CFAP61: variants seen among roughly 807,000 people sequenced by gnomAD.
The protein encoded by CFAP61 is cilia- and flagella-associated protein 61.
In CFAP61, 107 loss-of-function variants were observed where a neutral mutation model predicts 135.6. The observed-to-expected ratio is 0.79, with a 90% CI of 0.67 to 0.93. CFAP61 has a LOEUF of 0.93. Among genes scored for constraint, CFAP61 ranks in the 40% least tolerant of loss-of-function variants. The probability of loss-of-function intolerance (pLI) is 0.00; values close to 1 mark genes in which losing one functional copy is unlikely to be tolerated. For missense variants in CFAP61, 1,507 were observed against 1,556.2 expected (o/e 0.97, Z 0.53); for synonymous variants, 575 against 578.5 (o/e 0.99, Z 0.09).
chr20:20,077,215 A>G (rs1245619179), intron 6 of CFAP61, among the ~76,000 whole-genome samples: 1 of 152,210 alleles, frequency 6.6e-6, no homozygotes, highest in Non-Finnish European at 1.5e-5. Flanking sequence ...TGGTACATCC[A>G]TACAGTGGAT....
chr20:20,239,693 T>A (rs1023858727), intron 18 of CFAP61, among the ~76,000 whole-genome samples: 8 of 152,168 alleles, frequency 5.3e-5, no homozygotes, highest in Non-Finnish European at 1.2e-4. Flanking sequence ...ACTGAGGCAG[T>A]CCGACTTCTG....
intron 2 of CFAP61, among the ~76,000 whole-genome samples, chr20:20,066,801 C>T (rs1318911973): frequency 1.3e-5 from 2 of 151,668 alleles, no homozygotes; most frequent in Admixed American, 6.6e-5. Context: ...CACATGTATC[C>T]CAGAACTTAA....
At chr20:20,074,179 T>C in intron 3 of CFAP61, 123 bp from the exon 4 acceptor site, 1 of 772,076 alleles carries the variant, frequency 1.3e-6, no homozygotes, top group Non-Finnish European at 2.3e-6. Flanking sequence ...AGACATAAAA[T>C]ATCAACCCTA....
Position 20,263,106 on chromosome 20 carries a change from A to G in CFAP61, c.2479A>G (p.Arg827Gly), listed in dbSNP as rs774669437. 5 of 1,613,772 alleles carry G rather than the reference A, an allele frequency of 3.1e-6. No individual in the cohort carries two copies. In the South Asian group the frequency reaches 5.5e-5, roughly 18 times the overall value. The change falls in exon 21 of 27, where the codon AGG becomes GGG. Residue 827 changes from arginine to glycine, a missense_variant. Coordinates refer to ENST00000245957, the MANE Select transcript of CFAP61 (RefSeq NM_015585.4). ...TTGCTTTAAGGCACTGATTTGGATA[A>G]GGAATAACTCCATCACCACAGAAGG... is the stretch of plus-strand genomic sequence containing the variant. ...EDCFKALIWI[R>G]NNSITTEGNI...
chr20:20,336,261 A>C (rs1012931312), intron 25 of CFAP61, among the ~76,000 whole-genome samples: 3 of 152,246 alleles, frequency 2.0e-5, no homozygotes, highest in African/African-American at 7.2e-5. Context: ...CATAACGAGC[A>C]CATCAAACCT....
At chr20:20,317,419 G>A (rs544451103) in intron 25 of CFAP61, among the ~76,000 whole-genome samples, 42 of 152,284 alleles carry the variant, frequency 2.8e-4, no homozygotes, top group African/African-American at 7.9e-4. Context: ...GCTGCTCAGC[G>A]GTGTCCCCAG....
At chr20:20,308,247 C>T (rs2056593966) in intron 25 of CFAP61, among the ~76,000 whole-genome samples, 1 of 152,140 alleles carries the variant, frequency 6.6e-6, no homozygotes, top group Non-Finnish European at 1.5e-5. Flanking sequence ...TATGAACAGT[C>T]GTTCCCTAAA....
intron 8 of CFAP61, among the ~76,000 whole-genome samples, chr20:20,134,579 C>T (rs1321352961): frequency 1.3e-5 from 2 of 152,100 alleles, no homozygotes; most frequent in Non-Finnish European, 1.5e-5. Context: ...CTATGGCGTC[C>T]AGGAAGGAGA....
Position 20,113,203 on chromosome 20 carries a change from A to G in CFAP61, c.859+14389A>G, listed in dbSNP as rs1460266573. 2.6e-5 allele frequency among the ~76,000 whole-genome samples: 4 copies of G among 152,216 alleles called. No homozygotes were observed. In the East Asian group the frequency reaches 5.8e-4, roughly 22 times the overall value. On this transcript the variant is annotated intron_variant, in intron 8 of 26. Transcript: ENST00000245957. ...GCTTACTATGATATTCAAATCTTCC[A>G]TAACTTCATTATTGTTGACATGGTC...
chr20:20,265,361 A>C (rs2052626966), intron 21 of CFAP61: 2 of 779,340 alleles, frequency 2.6e-6, no homozygotes, highest in Non-Finnish European at 4.8e-6. Flanking sequence ...ACCCCAAAGC[A>C]AGAAGCGCTG....
At chr20:20,290,418 T>G in intron 24 of CFAP61, 27 bp downstream of exon 24, 1 of 1,405,250 alleles carries the variant, frequency 7.1e-7, no homozygotes, top group Non-Finnish European at 1.0e-6. Context: ...AATTTCATTT[T>G]ACTTTCAAAT....
chr20:20,245,377 G>A (rs112756103), intron 18 of CFAP61, among the ~76,000 whole-genome samples: 11 of 152,314 alleles, frequency 7.2e-5, no homozygotes, highest in African/African-American at 2.6e-4. Context: ...AGGCAAAGAG[G>A]AACAAGTCAC....
intron 13 of CFAP61, among the ~76,000 whole-genome samples, chr20:20,184,261 G>A (rs2055336894): frequency 6.6e-6 from 1 of 152,096 alleles, no homozygotes; most frequent in South Asian, 2.1e-4. Context: ...ATAAGCATGG[G>A]GAAGCTCTCT....
At chr20:20,356,556 G>A (rs867703019) in intron 26 of CFAP61, among the ~76,000 whole-genome samples, 3 of 71,390 alleles carry the variant, frequency 4.2e-5, no homozygotes, top group Admixed American at 1.4e-4. Flanking sequence ...CACACTGAGG[G>A]GAGGTGGTCA....
At chr20:20,298,498 G>C in intron 25 of CFAP61, 112 bp downstream of exon 25, 1 of 853,788 alleles carries the variant, frequency 1.2e-6, no homozygotes, top group East Asian at 2.7e-5. Context: ...ATCCCAGAGA[G>C]AGGCTGTGTG....
intron 8 of CFAP61, among the ~76,000 whole-genome samples, chr20:20,125,344 G>A (rs1228166303): frequency 6.6e-6 from 1 of 151,680 alleles, no homozygotes; most frequent in Admixed American, 6.6e-5. Context: ...TCTTTTTGAT[G>A]TAGGTGTTTA....
At chr20:20,162,757 A>G (rs945633970) in intron 10 of CFAP61, among the ~76,000 whole-genome samples, 2 of 152,234 alleles carry the variant, frequency 1.3e-5, no homozygotes, top group African/African-American at 4.8e-5. Context: ...AACACTTGGC[A>G]AATCTGATAA....
At chr20:20,080,820 G>T (rs2046380087) in intron 6 of CFAP61, among the ~76,000 whole-genome samples, 1 of 151,968 alleles carries the variant, frequency 6.6e-6, no homozygotes, top group African/African-American at 2.4e-5. Flanking sequence ...TGGCCAACAT[G>T]GTGAAACCCC....
chr20:20,302,323 C>A (rs2122150359), intron 25 of CFAP61, among the ~76,000 whole-genome samples: 1 of 152,258 alleles, frequency 6.6e-6, no homozygotes, highest in East Asian at 1.9e-4. Flanking sequence ...AACTTTTATA[C>A]TGTTTATTTC....
Sources: gnomAD v4.1 joint callset for allele counts (sites outside exome capture counted in the v4.1 genomes callset) on GRCh38, gnomAD v4.1.1 for gene constraint, MANE v1.5 for transcripts, NCBI Gene and HGNC (gene_info 2026-07-23, HGNC 2026-07-21) for gene names.